Variants in PCDHGA1 observed in about 807,000 individuals in gnomAD.
The protein encoded by PCDHGA1 is protocadherin gamma-A1.
A neutral mutation model predicts 58.0 loss-of-function variants in PCDHGA1; 32 were observed. The ratio of observed to expected loss-of-function variants is 0.55; its 90% CI spans 0.42 to 0.74. PCDHGA1 has a LOEUF of 0.74. PCDHGA1 is among the 30% of genes least tolerant of loss of function. PCDHGA1 has a pLI of 0.00. For synonymous variants in PCDHGA1, 498 were observed against 501.1 expected, an observed-to-expected ratio of 0.99 and a Z score of 0.08; for missense variants, 1,205 against 1,182.3, an observed-to-expected ratio of 1.02 and a Z score of -0.28.
chr5:141,365,958 G>A lies in PCDHGA1; in HGVS notation c.2421+32853G>A, dbSNP rs779781915. On this transcript the variant is annotated intron_variant, in intron 1 of 3. Transcript: ENST00000517417. ...AGCGACAGTGGGAACCCTCCACTTA[G>A]CAGCAACGTGTCGCTGAGCCTGTTT... The A allele has an allele frequency of 6.8e-6, 11 of 1,614,252 alleles. No homozygotes were observed. The East Asian group carries it at 2.0e-4, about 29-fold the overall frequency.
At chr5:141,347,596 G>T (rs913517115) in intron 1 of PCDHGA1, among the ~76,000 whole-genome samples, 1 of 152,098 alleles carries the variant, frequency 6.6e-6, no homozygotes, top group Non-Finnish European at 1.5e-5. Context: ...AGAACACCCT[G>T]GCCAACATGG....
In PCDHGA1 at chr5:141,510,989, C is replaced by A. The variant is rs2099883548; in HGVS notation, c.2612C>A (p.Thr871Asn). The A allele has an allele frequency of 1.2e-6, 2 of 1,614,198 alleles. No homozygotes were observed. The highest frequency in any genetic ancestry group is 1.7e-6 in the Non-Finnish European group (2 of 1,180,022). ...TCCACCCTGGGAGGGGGTGCCGGCA[C>A]CATGGGATTGAGCGCCCGCTACGGA... is the stretch of plus-strand genomic sequence containing the variant. ...GSSTLGGGAG[T>N]MGLSARYGPQ... Residue 871 changes from threonine to asparagine, a missense_variant, in exon 4 of 4, where the codon ACC becomes AAC. Thr to Asn is a moderately conservative substitution (Grantham distance 65, BLOSUM62 0). Transcript: ENST00000517417.
In PCDHGA1 at chr5:141,330,640, T is replaced by A; in HGVS notation, c.-45T>A. On this transcript the variant is annotated 5_prime_UTR_variant, in exon 1 of 4. Coordinates refer to ENST00000517417, the MANE Select transcript of PCDHGA1 (RefSeq NM_018912.3). ...TTTCAGCTCAGAAAAGCAGAAACGA[T>A]ACCCTTGGTACTGGACTGGAAGAAA... 1 of 1,524,406 alleles carries A rather than the reference T, an allele frequency of 6.6e-7. No homozygotes were observed. Among genetic ancestry groups the A allele is most frequent in the South Asian group, 1.3e-5 (1 of 76,008 alleles). 94.4% of individuals were successfully genotyped at this position (1,524,406 alleles called of 1,614,324 possible).
rs1756340057 is a variant in PCDHGA1 at position 141,331,086 on chromosome 5, G to A, written c.402G>A (p.Gln134=). 1.3e-6 allele frequency: 2 copies of A among 1,589,070 alleles called. No homozygotes were observed. The highest frequency in any genetic ancestry group is 2.2e-5 in the South Asian group (2 of 90,538). ...TTAATGACAACACTCCCCAATTCCA[G>A]TTAGAGGAACTGGAGTTTAAAATGA... ...IDINDNTPQF[Q]LEELEFKMNE... Residue 134 remains glutamine, a synonymous_variant, in exon 1 of 4, where the codon CAG becomes CAA. Coordinates refer to ENST00000517417, the MANE Select transcript of PCDHGA1 (RefSeq NM_018912.3).
At chr5:141,499,828 A>G (rs921957227) in intron 2 of PCDHGA1, among the ~76,000 whole-genome samples, 1 of 151,834 alleles carries the variant, frequency 6.6e-6, no homozygotes, top group Non-Finnish European at 1.5e-5. Context: ...CTAGGATTAC[A>G]GGTGTGCACC....
chr5:141,430,773 G>A (rs375524585), intron 1 of PCDHGA1: 2 of 1,507,932 alleles, frequency 1.3e-6, no homozygotes, highest in Non-Finnish European at 1.8e-6. Flanking sequence ...ATTCCTGCGC[G>A]ACTGCACCGG....
chr5:141,490,485 G>A lies in PCDHGA1; in HGVS notation c.2422-4322G>A. 3 of 1,614,202 alleles carry A rather than the reference G, an allele frequency of 1.9e-6. No individual in the cohort carries two copies. Among genetic ancestry groups the A allele is most frequent in the Middle Eastern group, 3.3e-4 (2 of 6,062 alleles). On this transcript the variant is annotated intron_variant, in intron 1 of 3. Coordinates refer to ENST00000517417, the MANE Select transcript of PCDHGA1 (RefSeq NM_018912.3). This position sits in a 1 kb window ranked among gnomAD's most constrained non-coding sequence, Gnocchi z 5.4. ...TAACCAGCCAGCCTTTGGACCGGGA[G>A]GCCACATCCCACTATATCATCGAGC... is the stretch of plus-strand genomic sequence containing the variant.
chr5:141,493,179 T>C lies in PCDHGA1; in HGVS notation c.2422-1628T>C, dbSNP rs1208502829. 6.6e-6 allele frequency among the ~76,000 whole-genome samples: 1 copy of C among 152,230 alleles called. No homozygotes were observed. Among genetic ancestry groups the C allele is most frequent in the Non-Finnish European group, 1.5e-5 (1 of 68,040 alleles). On this transcript the variant is annotated intron_variant, in intron 1 of 3. Coordinates refer to ENST00000517417, the MANE Select transcript of PCDHGA1 (RefSeq NM_018912.3). This position sits in a 1 kb window ranked among gnomAD's most constrained non-coding sequence, Gnocchi z 4.3. ...TGATAGCTGATTGAGAGAAACTTAC[T>C]ATATAACTCCTTTGAGAACCTCATC...
chr5:141,459,285 A>G (rs1316912878), intron 1 of PCDHGA1, among the ~76,000 whole-genome samples: 1 of 152,202 alleles, frequency 6.6e-6, no homozygotes, highest in Non-Finnish European at 1.5e-5. Context: ...TTTCATCTAA[A>G]TGGAATCCTA....
At chr5:141,371,761 CCTA>C (rs1486691481) in intron 1 of PCDHGA1, 4 of 1,614,030 alleles carry the variant, frequency 2.5e-6, no homozygotes, top group Non-Finnish European at 3.4e-6. Context: ...CACCAGGCCT[CCTA>C]CACCGTGCAT....
In PCDHGA1 at chr5:141,413,348, T is replaced by C. The variant is rs1217580039; in HGVS notation, c.2421+80243T>C. On this transcript the variant is annotated intron_variant, in intron 1 of 3. Transcript: ENST00000517417. The stretch of plus-strand genomic sequence containing the variant: ...GGCAACATCTCCAAGGACTTGGGTC[T>C]GGCGCCCCGGGAGCTGGCGGAGCGC... The C allele has an allele frequency of 1.9e-6, 3 of 1,613,872 alleles. No homozygotes were observed. In the Admixed American group the frequency reaches 5.0e-5, roughly 27 times the overall value.
intron 1 of PCDHGA1, among the ~76,000 whole-genome samples, chr5:141,481,008 A>G (rs2099529606): frequency 6.6e-6 from 1 of 152,224 alleles, no homozygotes; most frequent in Non-Finnish European, 1.5e-5. Context: ...CAGTGAGCCC[A>G]GATCACACCA....
Position 141,490,672 on chromosome 5 carries a change from G to T in PCDHGA1, c.2422-4135G>T. The T allele has an allele frequency of 6.2e-7, 1 of 1,614,114 alleles. No homozygotes were observed. Among genetic ancestry groups the T allele is most frequent in the Non-Finnish European group, 8.5e-7 (1 of 1,179,996 alleles). ...GGGCTCCCTTCTTTGCACTGTGGCT[G>T]CCTCAGATCCAGACACTGGGGATAA... On this transcript the variant is annotated intron_variant, in intron 1 of 3. Coordinates refer to ENST00000517417, the MANE Select transcript of PCDHGA1 (RefSeq NM_018912.3). The surrounding 1 kb of genome is among the most constrained non-coding windows in gnomAD (Gnocchi z 5.4).
At chr5:141,394,435 C>G (rs1473725556) in intron 1 of PCDHGA1, 1 of 1,614,246 alleles carries the variant, frequency 6.2e-7, no homozygotes, top group Non-Finnish European at 8.5e-7. Flanking sequence ...GGGGACCCGC[C>G]CCTCAGCAGC....
chr5:141,423,956 A>T, intron 1 of PCDHGA1: 4 of 1,182,724 alleles, frequency 3.4e-6, no homozygotes, highest in Non-Finnish European at 4.2e-6. Context: ...TTTTAGTATT[A>T]TTTTTCTATT....
At chr5:141,403,010 C>G in intron 1 of PCDHGA1, 1 of 1,614,058 alleles carries the variant, frequency 6.2e-7, no homozygotes, top group Non-Finnish European at 8.5e-7. Flanking sequence ...ATGCTCGCTC[C>G]TGGGGATGCT....
intron 1 of PCDHGA1, chr5:141,372,461 G>C (rs749088592): frequency 2.5e-6 from 4 of 1,613,922 alleles, no homozygotes; most frequent in Non-Finnish European, 2.5e-6. Context: ...CGGAGCTACA[G>C]TTTCACCTAG....
intron 1 of PCDHGA1, chr5:141,478,798 T>G: frequency 6.8e-7 from 1 of 1,463,780 alleles, no homozygotes. Flanking sequence ...TCCTCAGCAC[T>G]CTTTTGCTAT....
chr5:141,419,414 GCCTTCGACCACGAGCAGCTGCGCA>G, intron 1 of PCDHGA1: 1 of 1,613,428 alleles, frequency 6.2e-7, no homozygotes, highest in South Asian at 1.1e-5. Context: ...CGCGCAGCGC[GCCTTCGACCACGAGCAGCTGCGCA>G]CCTTCGAGCT....
Sources: allele counts gnomAD v4.1 joint callset (sites outside exome capture counted in the v4.1 genomes callset), GRCh38; gene constraint gnomAD v4.1.1; non-coding constraint Gnocchi (gnomAD v3.1); transcripts MANE v1.5; gene names NCBI Gene and HGNC (gene_info 2026-07-23, HGNC 2026-07-21).